Variants in OXR1 observed in about 807,000 individuals in gnomAD.
The protein encoded by OXR1 is oxidation resistance 1.
Under a neutral mutation model 104.6 loss-of-function variants are expected in OXR1, and 41 were observed. That is an observed-to-expected ratio of 0.39 (90% confidence interval 0.31 to 0.51). The LOEUF (loss-of-function observed/expected upper bound fraction) is 0.51, where lower values mean the gene tolerates loss of function less well. OXR1 is among the 20% of genes least tolerant of loss of function. OXR1 has a pLI of 0.77. For missense variants in OXR1, 955 were observed against 1,031.9 expected (o/e 0.93, Z 1.02); for synonymous variants, 348 against 348.4 (o/e 1.00, Z 0.01).
intron 1 of OXR1, among the ~76,000 whole-genome samples, chr8:106,317,649 C>T (rs1293068134): frequency 6.6e-6 from 1 of 152,122 alleles, no homozygotes. Flanking sequence ...GGGCCCCTCT[C>T]CCATTACACA....
chr8:106,612,610 T>C (rs1820900614), intron 3 of OXR1, among the ~76,000 whole-genome samples: 1 of 152,158 alleles, frequency 6.6e-6, no homozygotes, highest in South Asian at 2.1e-4. Context: ...AAATCTTTGT[T>C]TTCAGGAGTT....
chr8:106,344,257 C>G (rs915656698), intron 1 of OXR1, among the ~76,000 whole-genome samples: 8 of 152,128 alleles, frequency 5.3e-5, no homozygotes, highest in Admixed American at 3.9e-4. Context: ...TTCCCACGAA[C>G]TACAGTTTCT....
At position 106,710,803 on chromosome 8, in the gene OXR1, T is replaced by A. The variant is rs1252080375; in HGVS notation, c.1793+13T>A. Reference sequence around the variant, plus strand: ...TGCCACAAGAAAGGTAAAAAACCCATACGACACCTTGAGAGCATTATTGAG... The same window carrying A: ...TGCCACAAGAAAGGTAAAAAACCCAAACGACACCTTGAGAGCATTATTGAG... On this transcript the variant is annotated intron_variant, in intron 10 of 16. Transcript: ENST00000517566. 6.9e-7 allele frequency: 1 copy of A among 1,459,720 alleles called. No individual in the cohort carries two copies. Among genetic ancestry groups the A allele is most frequent in the East Asian group, 2.5e-5 (1 of 39,260 alleles). 90.4% of individuals were successfully genotyped at this position (1,459,720 alleles called of 1,614,324 possible).
chr8:106,717,873 C>G (rs2131438272), intron 11 of OXR1, among the ~76,000 whole-genome samples: 1 of 152,212 alleles, frequency 6.6e-6, no homozygotes, highest in South Asian at 2.1e-4. Context: ...AGTCCACAGT[C>G]TGTCATTTAC....
intron 2 of OXR1, among the ~76,000 whole-genome samples, chr8:106,415,249 G>T (rs7012963): frequency 0.37 from 56,695 of 151,794 alleles, 11,826 homozygotes; most frequent in East Asian, 0.7. Context: ...TTTTCTGCAG[G>T]CCTAAAATCT....
At position 106,706,635 on chromosome 8, in the gene OXR1, A is replaced by G; in HGVS notation, c.1114A>G (p.Thr372Ala). 6.2e-7 allele frequency: 1 copy of G among 1,613,572 alleles called. No individual in the cohort carries two copies. The highest frequency in any genetic ancestry group is 8.5e-7 in the Non-Finnish European group (1 of 1,179,868). ...TGGTGCGTCATCAGAATCTGTGCAA[A>G]CTGTCAATCAGGCTGAAGTAGAAAG... is the stretch of plus-strand genomic sequence containing the variant. ...SSGASSESVQ[T>A]VNQAEVESLT... The change falls in exon 9 of 17, where the codon ACT (threonine) becomes GCT (alanine). Residue 372 changes from threonine (T) to alanine (A), a missense_variant. Thr to Ala is a moderately conservative substitution (Grantham distance 58). This residue lies in a region of OXR1 where 849 missense variants were observed against 852.9 expected (regional missense o/e 1.00). Transcript: ENST00000517566.
At chr8:106,462,929 A>T (rs1024234888) in intron 2 of OXR1, among the ~76,000 whole-genome samples, 1 of 152,120 alleles carries the variant, frequency 6.6e-6, no homozygotes, top group Admixed American at 6.6e-5. Flanking sequence ...ATTCTTTCCA[A>T]TAATAATAAT....
rs549340904 is a variant in OXR1, at chr8:106,350,787, A to G, written c.-138-8689A>G. On this transcript the variant is annotated intron_variant, in intron 1 of 16. Coordinates refer to ENST00000517566, the MANE Select transcript of OXR1 (RefSeq NM_001198533.2). ...AATCATTCAATTGTTCTAGAGAGACACATATCTGTGTTCTGTTAGAAATTT... is the reference window on the plus strand; with the variant it reads ...AATCATTCAATTGTTCTAGAGAGACGCATATCTGTGTTCTGTTAGAAATTT... Among the ~76,000 whole-genome samples the G allele has an allele frequency of 5.6e-4, 85 of 152,350 alleles. 1 individual carries two copies. The South Asian group carries it at 0.017, about 30-fold the overall frequency.
chr8:106,487,819 T>C (rs1439502985), intron 2 of OXR1, among the ~76,000 whole-genome samples: 1 of 151,794 alleles, frequency 6.6e-6, no homozygotes, highest in African/African-American at 2.4e-5. Flanking sequence ...ATCCAGTCTA[T>C]CATTGTTGGA....
chr8:106,338,463 TGAG>T (rs538869027), intron 1 of OXR1, among the ~76,000 whole-genome samples: 297 of 150,752 alleles, frequency 2.0e-3, no homozygotes, highest in Admixed American at 3.5e-3. Context: ...CTTGGGAGGC[TGAG>T]GCAGGAGAAT....
chr8:106,678,498 G>A (rs913500824), intron 3 of OXR1, among the ~76,000 whole-genome samples: 1 of 151,798 alleles, frequency 6.6e-6, no homozygotes, highest in Non-Finnish European at 1.5e-5. Flanking sequence ...GGTAGGAGTG[G>A]TGTTTTATTA....
intron 1 of OXR1, among the ~76,000 whole-genome samples, chr8:106,354,926 ATAAAATGAT>A (rs1815898750): frequency 6.6e-6 from 1 of 152,122 alleles, no homozygotes; most frequent in Non-Finnish European, 1.5e-5. Flanking sequence ...TCATTCATGA[ATAAAATGAT>A]TAAAATGATT....
intron 2 of OXR1, 130 bp downstream of exon 2, chr8:106,359,766 C>T (rs1816159764): frequency 2.9e-6 from 2 of 697,130 alleles, no homozygotes; most frequent in East Asian, 5.5e-5. Context: ...AGATTATTGT[C>T]CCATGTTAGC....
intron 3 of OXR1, among the ~76,000 whole-genome samples, chr8:106,633,209 G>A (rs1586934094): frequency 6.6e-6 from 1 of 151,964 alleles, no homozygotes; most frequent in East Asian, 1.9e-4. Flanking sequence ...TCCAGCCTGG[G>A]CGACACAGTG....
At chr8:106,414,282 G>A (rs2130515574) in intron 2 of OXR1, among the ~76,000 whole-genome samples, 1 of 152,226 alleles carries the variant, frequency 6.6e-6, no homozygotes, top group East Asian at 1.9e-4. Context: ...AGTGCTAAGA[G>A]ACCATGATCA....
chr8:106,453,825 T>G (rs1820455937), intron 2 of OXR1, among the ~76,000 whole-genome samples: 1 of 152,222 alleles, frequency 6.6e-6, no homozygotes, highest in South Asian at 2.1e-4. Context: ...TGGCATAGCC[T>G]AGGTGCACAA....
intron 2 of OXR1, among the ~76,000 whole-genome samples, chr8:106,413,246 G>A (rs1415967003): frequency 6.6e-6 from 1 of 151,888 alleles, no homozygotes; most frequent in African/African-American, 2.4e-5. Context: ...CATTGCTTTT[G>A]AACATAGTCA....
chr8:106,422,172 G>T (rs759492533), intron 2 of OXR1, among the ~76,000 whole-genome samples: 2 of 152,112 alleles, frequency 1.3e-5, no homozygotes, highest in Non-Finnish European at 2.9e-5. Context: ...ATAGGACATC[G>T]CAGTGGAGAA....
rs1177950520 is a variant in OXR1 at position 106,536,623 on chromosome 8, T to A, written c.220+17484T>A. ...CTCGCCAGCCATTTTATTTTTTAAA[T>A]TTTTTTTTTAATTTTTGTGGGTACA... On this transcript the variant is annotated intron_variant, in intron 3 of 16. Coordinates refer to ENST00000517566, the MANE Select transcript of OXR1 (RefSeq NM_001198533.2). 3.3e-5 allele frequency among the ~76,000 whole-genome samples: 5 copies of A among 151,052 alleles called. No homozygotes were observed. The East Asian group carries it at 9.7e-4, about 29-fold the overall frequency.
Sources: gnomAD v4.1 joint callset for allele counts (sites outside exome capture counted in the v4.1 genomes callset) on GRCh38, gnomAD v4.1.1 for gene constraint, gnomAD v4.1.1 regional missense constraint, MANE v1.5 for transcripts, NCBI Gene and HGNC (gene_info 2026-07-23, HGNC 2026-07-21) for gene names.